ZFAND3: variants seen among roughly 807,000 people sequenced by gnomAD.
ZFAND3 encodes AN1-type zinc finger protein 3.
In ZFAND3, 10 loss-of-function variants were observed where a neutral mutation model predicts 29.6. The observed-to-expected ratio is 0.34, with a 90% CI of 0.21 to 0.57. The LOEUF is 0.57. Ranked by LOEUF, ZFAND3 falls within the 20% of genes least tolerant of loss-of-function variation. ZFAND3 has a pLI of 0.86. For missense variants in ZFAND3, 230 were observed against 304.5 expected, an observed-to-expected ratio of 0.76 and a Z score of 1.82; for synonymous variants, 128 against 112.6, an observed-to-expected ratio of 1.14 and a Z score of -0.87.
At chr6:38,011,106 T>C (rs1371068414) in intron 2 of ZFAND3, among the ~76,000 whole-genome samples, 2 of 152,130 alleles carry the variant, frequency 1.3e-5, no homozygotes, top group Non-Finnish European at 2.9e-5. Flanking sequence ...CTTGTTTCAA[T>C]TCGCATAATA....
chr6:38,096,981 T>C (rs1764994171), intron 4 of ZFAND3, among the ~76,000 whole-genome samples: 2 of 152,214 alleles, frequency 1.3e-5, no homozygotes, highest in African/African-American at 4.8e-5. Flanking sequence ...TTTCTGTTTA[T>C]CTTGGTCTTC....
chr6:37,856,979 T>C (rs9369026), intron 1 of ZFAND3, among the ~76,000 whole-genome samples: 8,487 of 151,968 alleles, frequency 0.056, 637 homozygotes, highest in East Asian at 0.38. Flanking sequence ...GATCTCACTC[T>C]GTTACCCAGA....
intron 5 of ZFAND3, among the ~76,000 whole-genome samples, chr6:38,126,144 A>G (rs191529766): frequency 3.5e-4 from 54 of 152,316 alleles, no homozygotes; most frequent in Admixed American, 2.8e-3. Context: ...TTCTGTTGCT[A>G]TAGTTTCACC....
chr6:37,852,330 T>G (rs2127379600), intron 1 of ZFAND3, among the ~76,000 whole-genome samples: 1 of 152,310 alleles, frequency 6.6e-6, no homozygotes, highest in Non-Finnish European at 1.5e-5. Context: ...AGGATACTGC[T>G]AAACATCCTA....
chr6:37,938,876 G>A (rs1761751620), intron 2 of ZFAND3, among the ~76,000 whole-genome samples: 1 of 152,188 alleles, frequency 6.6e-6, no homozygotes, highest in African/African-American at 2.4e-5. Context: ...CAGGCCTCAA[G>A]TGGGAAAATT....
chr6:38,136,543 T>A (rs1765844946), intron 5 of ZFAND3, among the ~76,000 whole-genome samples: 1 of 152,180 alleles, frequency 6.6e-6, no homozygotes, highest in Non-Finnish European at 1.5e-5. Context: ...TAGGGATGAG[T>A]GTGTTCCATG....
intron 4 of ZFAND3, among the ~76,000 whole-genome samples, chr6:38,100,279 G>A: frequency 6.6e-6 from 1 of 152,018 alleles, no homozygotes; most frequent in East Asian, 1.9e-4. Flanking sequence ...GGCCAGGATG[G>A]TCTCGATCTC....
chr6:37,907,993 A>G (rs1765440528), intron 1 of ZFAND3, among the ~76,000 whole-genome samples: 1 of 152,216 alleles, frequency 6.6e-6, no homozygotes, highest in Non-Finnish European at 1.5e-5. Context: ...CAGCTACTTT[A>G]TAGTCCATAT....
chr6:38,079,951 G>T (rs1036399653), intron 3 of ZFAND3, among the ~76,000 whole-genome samples: 2 of 151,826 alleles, frequency 1.3e-5, no homozygotes, highest in Non-Finnish European at 2.9e-5. Context: ...TTGTTACATA[G>T]TGTGTATGTG....
chr6:38,078,472 T>G (rs1288958767), intron 3 of ZFAND3, among the ~76,000 whole-genome samples: 1 of 152,248 alleles, frequency 6.6e-6, no homozygotes, highest in East Asian at 1.9e-4. Flanking sequence ...AAAAATTCAG[T>G]TAATTTGCTT....
At chr6:37,848,936 T>A (rs1375243024) in intron 1 of ZFAND3, among the ~76,000 whole-genome samples, 1 of 152,212 alleles carries the variant, frequency 6.6e-6, no homozygotes, top group African/African-American at 2.4e-5. Flanking sequence ...TGGAACTTTT[T>A]AAACTTTGAT....
intron 2 of ZFAND3, among the ~76,000 whole-genome samples, chr6:38,017,678 A>G (rs1763275675): frequency 1.3e-5 from 2 of 152,104 alleles, no homozygotes; most frequent in South Asian, 2.1e-4. Context: ...GTCTCACTGG[A>G]GAGGGAAACT....
intron 1 of ZFAND3, among the ~76,000 whole-genome samples, chr6:37,832,464 C>T (rs1345248456): frequency 1.3e-5 from 2 of 152,138 alleles, no homozygotes; most frequent in Non-Finnish European, 2.9e-5. Context: ...TGCCCTCTGT[C>T]AGTGGTATGC....
At chr6:37,980,849 G>T (rs1762566617) in intron 2 of ZFAND3, among the ~76,000 whole-genome samples, 1 of 152,082 alleles carries the variant, frequency 6.6e-6, no homozygotes, top group Non-Finnish European at 1.5e-5. Context: ...CTTGTCCCCA[G>T]ATTAAAACAT....
At chr6:37,948,787 G>T (rs139416461) in intron 2 of ZFAND3, among the ~76,000 whole-genome samples, 1 of 152,134 alleles carries the variant, frequency 6.6e-6, no homozygotes, top group Admixed American at 6.5e-5. Flanking sequence ...ACATGATCTT[G>T]TTCTTTTTTA....
At chr6:38,089,337 A>G (rs1202114819) in intron 4 of ZFAND3, among the ~76,000 whole-genome samples, 2 of 152,074 alleles carry the variant, frequency 1.3e-5, no homozygotes, top group Non-Finnish European at 1.5e-5. Flanking sequence ...CATGTTGGCC[A>G]GGCTGGTCTT....
At chr6:37,934,558 C>A (rs1441484999) in intron 2 of ZFAND3, among the ~76,000 whole-genome samples, 2 of 149,662 alleles carry the variant, frequency 1.3e-5, no homozygotes, top group East Asian at 3.9e-4. Flanking sequence ...AAGTCCAGAC[C>A]CGGTGGCTCA....
chr6:37,972,056 G>A (rs1233944594), intron 2 of ZFAND3, among the ~76,000 whole-genome samples: 2 of 152,022 alleles, frequency 1.3e-5, no homozygotes, highest in Admixed American at 1.3e-4. Flanking sequence ...AAAAAAAATG[G>A]AATATCGAAA....
At chr6:37,969,500 T>G (rs1207578375) in intron 2 of ZFAND3, among the ~76,000 whole-genome samples, 3 of 152,212 alleles carry the variant, frequency 2.0e-5, no homozygotes, top group African/African-American at 7.2e-5. Context: ...TATAATAATG[T>G]GCTGAATATC....
Sources: gnomAD v4.1 joint callset for allele counts (sites outside exome capture counted in the v4.1 genomes callset) on GRCh38, gnomAD v4.1.1 for gene constraint, MANE v1.5 for transcripts, NCBI Gene and HGNC (gene_info 2026-07-23, HGNC 2026-07-21) for gene names.